Variants in FER observed in about 807,000 individuals in gnomAD.
FER encodes the protein tyrosine-protein kinase Fer.
FER carries 63 observed loss-of-function variants against 111.0 expected under a neutral mutation model. That is an observed-to-expected ratio of 0.57 (90% CI 0.46 to 0.70). The LOEUF is 0.70. Ranked by LOEUF, FER falls within the 30% of genes least tolerant of loss-of-function variation. The probability of loss-of-function intolerance (pLI) is 0.00; values close to 1 mark genes in which losing one functional copy is unlikely to be tolerated. For synonymous variants in FER, 327 were observed against 313.9 expected, an observed-to-expected ratio of 1.04 and a Z score of -0.44; for missense variants, 914 against 954.0, an observed-to-expected ratio of 0.96 and a Z score of 0.55.
chr5:108,832,057 C>G (rs1257797516), intron 3 of FER, among the ~76,000 whole-genome samples: 3 of 151,992 alleles, frequency 2.0e-5, no homozygotes. Flanking sequence ...CCACTGATCC[C>G]AAACCTACAA....
chr5:109,153,618 T>C (rs1226496169), intron 17 of FER, among the ~76,000 whole-genome samples: 3 of 151,932 alleles, frequency 2.0e-5, no homozygotes, highest in Non-Finnish European at 4.4e-5. Flanking sequence ...CATAACACAG[T>C]AGTTATCAAC....
intron 13 of FER, among the ~76,000 whole-genome samples, chr5:109,006,818 T>C (rs532411365): frequency 6.6e-6 from 1 of 152,162 alleles, no homozygotes; most frequent in Admixed American, 6.5e-5. Context: ...GTGATGCTCA[T>C]ATGGTGGGGG....
chr5:108,831,552 A>G (rs1423155973), intron 3 of FER, among the ~76,000 whole-genome samples: 1 of 152,164 alleles, frequency 6.6e-6, no homozygotes, highest in Non-Finnish European at 1.5e-5. Flanking sequence ...TAGGCCGCAC[A>G]TATGTTCCAT....
intron 13 of FER, among the ~76,000 whole-genome samples, chr5:108,966,497 C>T (rs1193276502): frequency 6.6e-6 from 1 of 150,864 alleles, no homozygotes; most frequent in Non-Finnish European, 1.5e-5. Flanking sequence ...AAGCAATTCT[C>T]CTGCCTCAGC....
intron 16 of FER, among the ~76,000 whole-genome samples, chr5:109,054,233 C>T (rs1773328118): frequency 6.6e-6 from 1 of 152,134 alleles, no homozygotes; most frequent in African/African-American, 2.4e-5. Context: ...AGTTTTTGTT[C>T]TAGTTTACAT....
Position 108,798,116 on chromosome 5 carries a change from A to G in FER, c.-59-8A>G. 1.8e-6 allele frequency: 2 copies of G among 1,121,468 alleles called. No homozygotes were observed. The highest frequency in any genetic ancestry group is 1.6e-5 in the South Asian group (1 of 62,412). The allele number at this position is 1,121,468 out of a possible 1,614,324, so 69.5% of individuals were successfully genotyped here. A position where few individuals can be genotyped will look rare whatever the true frequency, so the allele number is the denominator to read the frequency against. ...TTAAGAGTTTTTCTCTTTTGTTTAC[A>G]TACACAGATATGTGCTGATTAGAAG... On this transcript the variant is annotated splice_region_variant and splice_polypyrimidine_tract_variant and intron_variant, in intron 2 of 19. Transcript: ENST00000281092.
chr5:108,792,408 T>C (rs1755482285), intron 2 of FER, among the ~76,000 whole-genome samples: 1 of 152,228 alleles, frequency 6.6e-6, no homozygotes, highest in Admixed American at 6.5e-5. Flanking sequence ...GGGCGTGATT[T>C]TGACTCACTG....
chr5:109,025,921 G>A (rs1320178329), intron 13 of FER, among the ~76,000 whole-genome samples: 1 of 152,060 alleles, frequency 6.6e-6, no homozygotes, highest in Non-Finnish European at 1.5e-5. Flanking sequence ...ACCTGAAAAG[G>A]GTCTGTATCA....
intron 17 of FER, among the ~76,000 whole-genome samples, chr5:109,143,148 C>G (rs1287927722): frequency 6.6e-6 from 1 of 152,074 alleles, no homozygotes; most frequent in Non-Finnish European, 1.5e-5. Context: ...CTCTGTCATT[C>G]CTTTAAGTAA....
intron 13 of FER, among the ~76,000 whole-genome samples, chr5:108,971,319 C>G (rs969385841): frequency 7.0e-6 from 1 of 143,162 alleles, no homozygotes; most frequent in African/African-American, 2.6e-5. Context: ...GAAAGAAATT[C>G]TCAGTACTGG....
At chr5:109,030,659 A>G (rs1032407313) in intron 13 of FER, among the ~76,000 whole-genome samples, 5 of 152,046 alleles carry the variant, frequency 3.3e-5, no homozygotes, top group Non-Finnish European at 5.9e-5. Context: ...TTCACTGAGG[A>G]AGGGCATCTT....
chr5:108,902,270 A>G (rs745932445), intron 10 of FER, among the ~76,000 whole-genome samples: 2 of 152,236 alleles, frequency 1.3e-5, no homozygotes, highest in Non-Finnish European at 2.9e-5. Flanking sequence ...GAGAAGTACA[A>G]TGATAATTTA....
At chr5:108,978,718 A>G (rs536569796) in intron 13 of FER, among the ~76,000 whole-genome samples, 2 of 152,320 alleles carry the variant, frequency 1.3e-5, no homozygotes, top group South Asian at 4.1e-4. Flanking sequence ...AGAACACTAT[A>G]TATACTCATA....
At chr5:108,937,637 G>C (rs1372873294) in intron 10 of FER, among the ~76,000 whole-genome samples, 1 of 151,934 alleles carries the variant, frequency 6.6e-6, no homozygotes, top group Non-Finnish European at 1.5e-5. Context: ...TGTAGTCTGA[G>C]AGGTTGGAGG....
chr5:108,937,664 A>G (rs985788692), intron 10 of FER, among the ~76,000 whole-genome samples: 1 of 151,896 alleles, frequency 6.6e-6, no homozygotes, highest in Non-Finnish European at 1.5e-5. Flanking sequence ...TGGTAGGGGA[A>G]TAAATGTTTC....
intron 13 of FER, among the ~76,000 whole-genome samples, chr5:108,989,898 T>C (rs1345871259): frequency 6.6e-6 from 1 of 152,012 alleles, no homozygotes; most frequent in East Asian, 1.9e-4. Flanking sequence ...GTTTGTACTA[T>C]ATTCACCAAT....
intron 17 of FER, among the ~76,000 whole-genome samples, chr5:109,158,069 A>AG (rs1755598642): frequency 6.6e-6 from 1 of 151,948 alleles, no homozygotes; most frequent in African/African-American, 2.4e-5. Context: ...AGAAAAAAAA[A>AG]CAGGCGTGTA....
At chr5:108,941,049 C>A (rs1168234913) in intron 10 of FER, among the ~76,000 whole-genome samples, 3 of 152,048 alleles carry the variant, frequency 2.0e-5, no homozygotes, top group Admixed American at 2.0e-4. Flanking sequence ...ACTTCTCTCT[C>A]CCACCCGAGA....
At chr5:108,765,620 C>T (rs759724303) in intron 1 of FER, among the ~76,000 whole-genome samples, 14 of 152,160 alleles carry the variant, frequency 9.2e-5, no homozygotes, top group Non-Finnish European at 1.3e-4. Context: ...CATGGAATCT[C>T]AGTTGAATAG....
Sources: gnomAD v4.1 joint callset for allele counts (sites outside exome capture counted in the v4.1 genomes callset) on GRCh38, gnomAD v4.1.1 for gene constraint, MANE v1.5 for transcripts, NCBI Gene and HGNC (gene_info 2026-07-23, HGNC 2026-07-21) for gene names.